RBFOX1: variants seen among roughly 807,000 people sequenced by gnomAD.
RBFOX1 encodes RNA binding fox-1 homolog 1.
A neutral mutation model predicts 57.7 loss-of-function variants in RBFOX1; 8 were observed. The observed-to-expected ratio is 0.14, with a 90% confidence interval of 0.08 to 0.25. The LOEUF (loss-of-function observed/expected upper bound fraction) is 0.25, where lower values mean the gene tolerates loss of function less well. Ranked by LOEUF, RBFOX1 falls within the 10% of genes least tolerant of loss-of-function variation. RBFOX1 has a pLI of 1.00. For missense variants in RBFOX1, 611 were observed against 548.5 expected (o/e 1.11, Z -1.14); for synonymous variants, 326 against 222.4 (o/e 1.47, Z -4.15).
At chr16:6,328,453 C>T (rs564011768) in intron 2 of RBFOX1, among the ~76,000 whole-genome samples, 1 of 152,124 alleles carries the variant, frequency 6.6e-6, no homozygotes, top group South Asian at 2.1e-4. Flanking sequence ...TAATGTTGTG[C>T]ATTGTGAGGC....
intron 3 of RBFOX1, among the ~76,000 whole-genome samples, chr16:6,717,645 T>G (rs1288271615): frequency 4.6e-5 from 7 of 151,906 alleles, no homozygotes; most frequent in Non-Finnish European, 1.0e-4. Context: ...GGATCGACTC[T>G]CTGTCAGCTC....
At chr16:6,986,544 G>T (rs1395630180) in intron 3 of RBFOX1, among the ~76,000 whole-genome samples, 1 of 152,104 alleles carries the variant, frequency 6.6e-6, no homozygotes, top group Non-Finnish European at 1.5e-5. Flanking sequence ...CACCTGCCTT[G>T]GCTTCCCAAA....
chr16:5,379,805 T>C (rs745436838), intron 1 of RBFOX1, among the ~76,000 whole-genome samples: 12 of 152,208 alleles, frequency 7.9e-5, no homozygotes, highest in Non-Finnish European at 1.8e-4. Context: ...CTTTATAGAT[T>C]AGTGGTCTGG....
intron 3 of RBFOX1, among the ~76,000 whole-genome samples, chr16:6,786,380 ATTC>A (rs2081967358): frequency 1.3e-5 from 2 of 152,150 alleles, no homozygotes; most frequent in Admixed American, 1.3e-4. Context: ...AGACAGCATT[ATTC>A]TTCTTGTACC....
intron 4 of RBFOX1, among the ~76,000 whole-genome samples, chr16:7,224,669 A>C (rs1434477887): frequency 1.3e-5 from 2 of 152,200 alleles, no homozygotes; most frequent in African/African-American, 2.4e-5. Flanking sequence ...TAAAGTAGAA[A>C]GACCAAATAA....
At chr16:6,758,287 A>C (rs2076110724) in intron 3 of RBFOX1, among the ~76,000 whole-genome samples, 1 of 152,112 alleles carries the variant, frequency 6.6e-6, no homozygotes, top group Non-Finnish European at 1.5e-5. Flanking sequence ...GAGATAATTT[A>C]GTGTAAAATG....
At chr16:5,827,206 C>A (rs1186441511) in intron 3 of RBFOX1, among the ~76,000 whole-genome samples, 1 of 151,992 alleles carries the variant, frequency 6.6e-6, no homozygotes, top group Non-Finnish European at 1.5e-5. Flanking sequence ...TCGAGACCAG[C>A]CTGGCCAACA....
At chr16:6,559,534 T>A (rs1004578752) in intron 2 of RBFOX1, among the ~76,000 whole-genome samples, 1 of 152,140 alleles carries the variant, frequency 6.6e-6, no homozygotes, top group Non-Finnish European at 1.5e-5. Flanking sequence ...GGGAAGCTTT[T>A]TGAACTGTAT....
intron 2 of RBFOX1, among the ~76,000 whole-genome samples, chr16:6,366,499 G>A (rs767344399): frequency 2.0e-5 from 3 of 152,108 alleles, no homozygotes; most frequent in Admixed American, 1.3e-4. Flanking sequence ...GGTAAGAATG[G>A]ATTCGTTGTC....
intron 14 of RBFOX1, among the ~76,000 whole-genome samples, chr16:7,695,379 C>T (rs953102161): frequency 7.2e-6 from 1 of 139,812 alleles, no homozygotes; most frequent in African/African-American, 2.7e-5. Flanking sequence ...CCTTCTAGGG[C>T]ATCATCTCCT....
chr16:6,662,026 C>G (rs189566609), intron 3 of RBFOX1, among the ~76,000 whole-genome samples: 1 of 151,816 alleles, frequency 6.6e-6, no homozygotes, highest in East Asian at 1.9e-4. Flanking sequence ...TGAAGTAAGC[C>G]ACACACAGAA....
intron 2 of RBFOX1, among the ~76,000 whole-genome samples, chr16:6,499,427 G>C (rs2095856675): frequency 6.6e-6 from 1 of 152,058 alleles, no homozygotes; most frequent in Non-Finnish European, 1.5e-5. Flanking sequence ...TGTAGTATGT[G>C]TTTTTATCCC....
chr16:7,247,301 C>T (rs564793284), intron 4 of RBFOX1, among the ~76,000 whole-genome samples: 1 of 152,160 alleles, frequency 6.6e-6, no homozygotes, highest in Non-Finnish European at 1.5e-5. Context: ...CATTCCTTAA[C>T]CAAAGCAAGT....
chr16:6,450,781 A>ACATATATATATG (rs2094580652), intron 2 of RBFOX1, among the ~76,000 whole-genome samples: 1 of 48,962 alleles, frequency 2.0e-5, no homozygotes, highest in African/African-American at 1.0e-4. Flanking sequence ...ATATATATAT[A>ACATATATATATG]TATATATACA....
chr16:5,840,931 T>C (rs1173091331), intron 3 of RBFOX1, among the ~76,000 whole-genome samples: 7 of 152,130 alleles, frequency 4.6e-5, no homozygotes, highest in African/African-American at 1.2e-4. Context: ...AATGGCCTTT[T>C]TTCTTCTAAG....
intron 3 of RBFOX1, among the ~76,000 whole-genome samples, chr16:5,754,391 G>C (rs59824453): frequency 1.3e-5 from 2 of 151,888 alleles, no homozygotes; most frequent in African/African-American, 2.4e-5. Context: ...TGATTGATGT[G>C]GGGGTGGGTT....
At chr16:6,941,774 G>C (rs571055081) in intron 3 of RBFOX1, among the ~76,000 whole-genome samples, 1 of 152,144 alleles carries the variant, frequency 6.6e-6, no homozygotes, top group Non-Finnish European at 1.5e-5. Flanking sequence ...GTAGAAGGCA[G>C]GTGAACTCAT....
At chr16:7,206,836 C>T (rs984182108) in intron 4 of RBFOX1, among the ~76,000 whole-genome samples, 1 of 151,908 alleles carries the variant, frequency 6.6e-6, no homozygotes, top group Non-Finnish European at 1.5e-5. Context: ...TATAAACAAT[C>T]AATTCTCTTC....
chr16:7,002,515 C>T (rs1250417215), intron 3 of RBFOX1, among the ~76,000 whole-genome samples: 1 of 152,060 alleles, frequency 6.6e-6, no homozygotes, highest in Non-Finnish European at 1.5e-5. Context: ...AGTTGGAGAC[C>T]AGCCTGGCCA....
Sources: gnomAD v4.1 joint callset for allele counts (sites outside exome capture counted in the v4.1 genomes callset) on GRCh38, gnomAD v4.1.1 for gene constraint, MANE v1.5 for transcripts, NCBI Gene and HGNC (gene_info 2026-07-23, HGNC 2026-07-21) for gene names.